Variants in PTPRT observed in about 807,000 individuals in gnomAD.
PTPRT encodes receptor-type tyrosine-protein phosphatase T.
A neutral mutation model predicts 176.8 loss-of-function variants in PTPRT; 56 were observed. The ratio of observed to expected loss-of-function variants is 0.32; its 90% CI spans 0.26 to 0.40. The LOEUF is 0.40. PTPRT is among the 10% of genes least tolerant of loss of function. PTPRT has a pLI of 1.00. For synonymous variants in PTPRT, 783 were observed against 739.0 expected (o/e 1.06, Z -0.96); for missense variants, 1,540 against 1,908.2 (o/e 0.81, Z 3.60).
intron 7 of PTPRT, among the ~76,000 whole-genome samples, chr20:42,631,098 G>A (rs2074395145): frequency 6.6e-6 from 1 of 152,076 alleles, no homozygotes; most frequent in Middle Eastern, 3.2e-3. Context: ...GACAAGATCT[G>A]CAATGGTATC....
chr20:43,163,805 CT>C (rs1431006616), intron 1 of PTPRT, among the ~76,000 whole-genome samples: 1 of 152,144 alleles, frequency 6.6e-6, no homozygotes, highest in East Asian at 1.9e-4. Flanking sequence ...ATGTGTGTGT[CT>C]TTGTGTGCAT....
chr20:42,376,872 T>C (rs140710761), intron 9 of PTPRT, among the ~76,000 whole-genome samples: 16 of 152,174 alleles, frequency 1.1e-4, no homozygotes, highest in South Asian at 2.1e-4. Context: ...CAAAGGGTCT[T>C]GAAAGGCGCG....
chr20:42,101,665 TC>T (rs1376076319), intron 26 of PTPRT, among the ~76,000 whole-genome samples: 1 of 152,208 alleles, frequency 6.6e-6, no homozygotes, highest in African/African-American at 2.4e-5. Flanking sequence ...CTGTGCGCCA[TC>T]CTCATTTTTG....
intron 3 of PTPRT, among the ~76,000 whole-genome samples, chr20:42,785,561 A>G (rs570865663): frequency 6.6e-6 from 1 of 152,246 alleles, no homozygotes; most frequent in Admixed American, 6.5e-5. Flanking sequence ...GCTTGTCCCT[A>G]TGTGGGCACT....
rs1310734163 is a variant in PTPRT at position 42,648,820 on chromosome 20, G to GTTGTTTTTTTTTTTTTTTTTTT, written c.1153+29045_1153+29046insAAAAAAAAAAAAAAAAAAACAA. ...GGGGATTTTTTTTTTTGGTGTCGTT[G>GTTGTTTTTTTTTTTTTTTTTTT]TTTTTTTTTTTTTTTTTTGACAGAG... On this transcript the variant is annotated intron_variant, in intron 7 of 30. Coordinates refer to ENST00000373187, the MANE Select transcript of PTPRT (RefSeq NM_007050.6). Among the ~76,000 whole-genome samples the GTTGTTTTTTTTTTTTTTTTTTT allele has an allele frequency of 3.8e-4, 42 of 111,834 alleles. 2 individuals carry two copies. The highest frequency in any genetic ancestry group is 1.5e-3 in the African/African-American group (39 of 26,880). The allele number at this position is 111,834 out of a possible 152,430, so 73.4% of individuals were successfully genotyped here.
chr20:43,017,936 C>T (rs1408380467), intron 1 of PTPRT, among the ~76,000 whole-genome samples: 2 of 152,198 alleles, frequency 1.3e-5, no homozygotes, highest in African/African-American at 4.8e-5. Flanking sequence ...GGGCAATTCA[C>T]CCTCCATGTG....
At chr20:42,219,091 AC>A (rs2055829606) in intron 15 of PTPRT, among the ~76,000 whole-genome samples, 2 of 152,180 alleles carry the variant, frequency 1.3e-5, no homozygotes, top group African/African-American at 4.8e-5. Context: ...TAATTAGTGT[AC>A]ACTAGGAAGG....
Position 43,155,831 on chromosome 20 carries a change from AC to A in PTPRT, c.88+33814del, listed in dbSNP as rs1203452987. Among the ~76,000 whole-genome samples, 15 of 152,356 alleles carry A rather than the reference AC, an allele frequency of 9.8e-5. No homozygotes were observed. The East Asian group carries it at 2.9e-3, about 29-fold the overall frequency. ...CTGTCGATTTAAAAAAAGAAATAAAACATTAAAATAAATTTTTTTAATGTAA... is the reference window on the plus strand; with the variant it reads ...CTGTCGATTTAAAAAAAGAAATAAAAATTAAAATAAATTTTTTTAATGTAA... On this transcript the variant is annotated intron_variant, in intron 1 of 30. Transcript: ENST00000373187.
At chr20:42,569,349 T>C (rs1158256045) in intron 7 of PTPRT, among the ~76,000 whole-genome samples, 1 of 151,916 alleles carries the variant, frequency 6.6e-6, no homozygotes, top group Admixed American at 6.6e-5. Flanking sequence ...AGTCCTGCCT[T>C]ATTCTTCTTC....
intron 7 of PTPRT, among the ~76,000 whole-genome samples, chr20:42,505,946 C>T (rs2145433779): frequency 6.6e-6 from 1 of 152,216 alleles, no homozygotes; most frequent in African/African-American, 2.4e-5. Flanking sequence ...AAGGTTGAGC[C>T]AGAGCAAGTA....
intron 9 of PTPRT, among the ~76,000 whole-genome samples, chr20:42,429,003 T>C (rs2059192291): frequency 6.6e-6 from 1 of 152,164 alleles, no homozygotes; most frequent in Non-Finnish European, 1.5e-5. Flanking sequence ...TTCAGGTTAA[T>C]TTCACCATCA....
intron 17 of PTPRT, among the ~76,000 whole-genome samples, chr20:42,144,874 G>A (rs998541432): frequency 6.6e-6 from 1 of 152,154 alleles, no homozygotes; most frequent in Non-Finnish European, 1.5e-5. Flanking sequence ...CCTAAGCAAG[G>A]AGGAACCTGA....
chr20:42,954,478 G>A (rs112903806), intron 1 of PTPRT, among the ~76,000 whole-genome samples: 46 of 152,242 alleles, frequency 3.0e-4, no homozygotes, highest in African/African-American at 9.9e-4. Flanking sequence ...ATGACCTGAC[G>A]ATACATGCAA....
intron 1 of PTPRT, among the ~76,000 whole-genome samples, chr20:42,943,027 G>A (rs770010159): frequency 1.1e-4 from 16 of 152,242 alleles, no homozygotes; most frequent in South Asian, 2.1e-4. Context: ...AGGGCCAATC[G>A]TTTGTTGTCA....
At chr20:42,227,239 G>T (rs2056034675) in intron 15 of PTPRT, among the ~76,000 whole-genome samples, 1 of 152,110 alleles carries the variant, frequency 6.6e-6, no homozygotes. Context: ...AAAAGAAAGG[G>T]AGTGGGCAGA....
chr20:43,103,935 GAAAACAAATATCAC>G (rs1011991865), intron 1 of PTPRT, among the ~76,000 whole-genome samples: 12 of 152,054 alleles, frequency 7.9e-5, no homozygotes, highest in African/African-American at 2.9e-4. Flanking sequence ...ATATCCTGTG[GAAAACAAATATCAC>G]AAAGTAATGC....
At chr20:42,609,017 G>C (rs2145816572) in intron 7 of PTPRT, among the ~76,000 whole-genome samples, 1 of 152,186 alleles carries the variant, frequency 6.6e-6, no homozygotes, top group African/African-American at 2.4e-5. Context: ...GAATACCCTA[G>C]TCCCAGACAC....
intron 16 of PTPRT, among the ~76,000 whole-genome samples, chr20:42,180,825 G>A (rs1174270135): frequency 1.3e-5 from 2 of 152,182 alleles, no homozygotes; most frequent in Non-Finnish European, 2.9e-5. Context: ...CTTCAGAGGT[G>A]TCCGCATATT....
chr20:43,038,488 A>G (rs2146208695), intron 1 of PTPRT, among the ~76,000 whole-genome samples: 1 of 152,332 alleles, frequency 6.6e-6, no homozygotes, highest in African/African-American at 2.4e-5. Flanking sequence ...ATGATTAAGA[A>G]TATTTATCTG....
Sources: gnomAD v4.1 joint callset for allele counts (sites outside exome capture counted in the v4.1 genomes callset) on GRCh38, gnomAD v4.1.1 for gene constraint, MANE v1.5 for transcripts, NCBI Gene and HGNC (gene_info 2026-07-23, HGNC 2026-07-21) for gene names.